The following COL22A1 variants were observed in gnomAD, a reference collection of about 807,000 sequenced individuals.
COL22A1 encodes the protein collagen type XXII alpha 1 chain.
Under a neutral mutation model 248.9 loss-of-function variants are expected in COL22A1, and 221 were observed. The observed-to-expected ratio is 0.89, with a 90% confidence interval of 0.80 to 0.99. COL22A1 has a LOEUF of 0.99. COL22A1 is among the 50% of genes least tolerant of loss of function. The probability of loss-of-function intolerance (pLI) is 0.00; values close to 1 mark genes in which losing one functional copy is unlikely to be tolerated. For synonymous variants in COL22A1, 891 were observed against 793.4 expected (o/e 1.12, Z -2.07); for missense variants, 2,240 against 2,179.0 (o/e 1.03, Z -0.56).
intron 16 of COL22A1, among the ~76,000 whole-genome samples, chr8:138,773,532 T>C (rs906729657): frequency 2.6e-5 from 4 of 152,250 alleles, no homozygotes; most frequent in Admixed American, 2.0e-4. Flanking sequence ...CTCTTATTCA[T>C]TTATTGATTT....
At chr8:138,767,947 A>G (rs1163447109) in intron 16 of COL22A1, among the ~76,000 whole-genome samples, 1 of 152,158 alleles carries the variant, frequency 6.6e-6, no homozygotes, top group East Asian at 1.9e-4. Flanking sequence ...TTCATATAAC[A>G]TGGGTGCTAG....
rs762566329 is a variant in COL22A1, at chr8:138,877,837, C to G, written c.571G>C (p.Glu191Gln). ...LKEELEEIASEPKSAHVFHVS... is the reference protein window; with the variant it reads ...LKEELEEIASQPKSAHVFHVS... ...TGGAAGACGTGGGCGGACTTGGGCT[C>G]TGAGGCGATCTCCTCCAGCTCCTCC... The change falls in exon 3 of 65, where the codon GAG (glutamate) becomes CAG (glutamine). Residue 191 changes from glutamate (E) to glutamine (Q), a missense_variant. Physicochemically the swap from Glu to Gln is conservative, Grantham distance 29. Transcript: ENST00000303045. 4 of 1,613,332 alleles carry G rather than the reference C, an allele frequency of 2.5e-6. No individual in the cohort carries two copies. The highest frequency in any genetic ancestry group is 8.5e-7 in the Non-Finnish European group (1 of 1,179,814).
chr8:138,688,393 C>T (rs1261358300), intron 37 of COL22A1, among the ~76,000 whole-genome samples: 2 of 151,946 alleles, frequency 1.3e-5, no homozygotes, highest in African/African-American at 4.8e-5. Flanking sequence ...TGGTGGCGCA[C>T]ACCTGTAATC....
intron 7 of COL22A1, among the ~76,000 whole-genome samples, chr8:138,813,627 C>T (rs576468715): frequency 1.5e-5 from 1 of 65,300 alleles, no homozygotes; most frequent in African/African-American, 5.1e-5. Context: ...CTTCAGGACA[C>T]GTTAAAGTCC....
intron 30 of COL22A1, 93 bp downstream of exon 30, chr8:138,715,589 A>AT: frequency 1.3e-6 from 1 of 789,382 alleles, no homozygotes. Flanking sequence ...AAAAAAAAAA[A>AT]AAAGATAGAG....
chr8:138,613,188 C>T (rs1464186164), intron 56 of COL22A1, among the ~76,000 whole-genome samples: 1 of 149,746 alleles, frequency 6.7e-6, no homozygotes, highest in East Asian at 2.0e-4. Flanking sequence ...GTGGAGCTTG[C>T]AGTGAGCGGA....
chr8:138,744,994 C>G (rs1831989932), intron 22 of COL22A1, among the ~76,000 whole-genome samples: 1 of 152,206 alleles, frequency 6.6e-6, no homozygotes, highest in African/African-American at 2.4e-5. Context: ...TCAGATGAAC[C>G]AAAGAGGTTG....
intron 54 of COL22A1, among the ~76,000 whole-genome samples, chr8:138,616,548 A>G (rs981254974): frequency 6.6e-6 from 1 of 152,206 alleles, no homozygotes; most frequent in Non-Finnish European, 1.5e-5. Flanking sequence ...TATAAGCTCT[A>G]GGACCTTGGG....
rs76487130 is a variant in COL22A1 at position 138,658,824 on chromosome 8, C to T, written c.3285+1612G>A. Among the ~76,000 whole-genome samples, 17 of 151,948 alleles carry T rather than the reference C, an allele frequency of 1.1e-4. No individual in the cohort carries two copies. The East Asian group carries it at 3.1e-3, about 28-fold the overall frequency. ...GATACCTGAGAGCCAATGGGCCATA[C>T]TTGGGACCATTCGGGAGGAGTATGT... On this transcript the variant is annotated intron_variant, in intron 44 of 64. Coordinates refer to ENST00000303045, the MANE Select transcript of COL22A1 (RefSeq NM_152888.3).
rs1370366160 is a variant in COL22A1 at position 138,596,977 on chromosome 8, G to C, written c.4366-7C>G. On this transcript the variant is annotated splice_polypyrimidine_tract_variant and splice_region_variant and intron_variant, in intron 61 of 64. Transcript: ENST00000303045. ...CCATGGATGGAGACTCCCCCTAGGA[G>C]GGAGGGAAGGTGGAGTCATTCATCT... is the stretch of plus-strand genomic sequence containing the variant. The C allele has an allele frequency of 6.2e-7, 1 of 1,612,860 alleles. No individual in the cohort carries two copies. Among genetic ancestry groups the C allele is most frequent in the Admixed American group, 1.7e-5 (1 of 59,996 alleles).
chr8:138,807,496 G>A (rs184079587), intron 10 of COL22A1, among the ~76,000 whole-genome samples: 3 of 152,208 alleles, frequency 2.0e-5, no homozygotes, highest in East Asian at 1.9e-4. Flanking sequence ...AGAGTTGAGC[G>A]TGTTGGAGCA....
chr8:138,615,910 C>T lies in COL22A1; in HGVS notation c.3924+91G>A, dbSNP rs928671583. 44 of 922,364 alleles carry T rather than the reference C, an allele frequency of 4.8e-5. 1 individual carries two copies. Among genetic ancestry groups the T allele is most frequent in the South Asian group, 4.0e-4 (28 of 69,852 alleles). The allele number at this position is 922,364 out of a possible 1,614,324, so 57.1% of individuals were successfully genotyped here. Reference sequence around the variant, plus strand: ...TGTGTGCCTCTTGGCAGTGCTGCCACCAGCCATTGTGGGGCAGTTTCTGGG... The same window carrying T: ...TGTGTGCCTCTTGGCAGTGCTGCCATCAGCCATTGTGGGGCAGTTTCTGGG... On this transcript the variant is annotated intron_variant, in intron 55 of 64. Transcript: ENST00000303045.
intron 47 of COL22A1, among the ~76,000 whole-genome samples, chr8:138,638,721 T>C (rs921585218): frequency 2.6e-5 from 4 of 152,228 alleles, no homozygotes; most frequent in Admixed American, 6.5e-5. Flanking sequence ...AATAAAGGCA[T>C]CACACCCTCT....
At chr8:138,602,249 T>C in intron 59 of COL22A1, 90 bp from the exon 60 acceptor site, 1 of 1,448,384 alleles carries the variant, frequency 6.9e-7, no homozygotes, top group Non-Finnish European at 9.7e-7. Flanking sequence ...TCCTGCATGC[T>C]GAGGACAAGG....
At chr8:138,885,968 G>T (rs77396153) in intron 1 of COL22A1, among the ~76,000 whole-genome samples, 2,389 of 152,170 alleles carry the variant, frequency 0.016, 72 homozygotes, top group African/African-American at 0.054. Flanking sequence ...ATGGAACCTT[G>T]GTTTTCCAAC....
chr8:138,849,576 G>A (rs961448497), intron 3 of COL22A1, among the ~76,000 whole-genome samples: 1 of 152,236 alleles, frequency 6.6e-6, no homozygotes, highest in African/African-American at 2.4e-5. Context: ...CAGGTCAACT[G>A]CCTCAGGTCA....
rs1458452644 is a variant in COL22A1, at chr8:138,690,850, G to C, written c.2779C>G (p.Pro927Ala). 3 of 1,610,524 alleles carry C rather than the reference G, an allele frequency of 1.9e-6. No individual in the cohort carries two copies. Among genetic ancestry groups the C allele is most frequent in the Admixed American group, 1.7e-5 (1 of 59,678 alleles). ...NPGAPGHVGA[P>A]GPSGPPGSVG... The stretch of plus-strand genomic sequence containing the variant: ...CTTCCTGGAGGGCCACTGGGACCGG[G>C]GGCACCGACATGTCCGGGAGCACCC... Residue 927 changes from proline (P) to alanine (A), a missense_variant, in exon 36 of 65, where the codon CCC becomes GCC. By Grantham distance (27) the Pro-to-Ala change is conservative (BLOSUM62 -1). Transcript: ENST00000303045.
At chr8:138,778,278 G>A (rs776481088) in intron 15 of COL22A1, 75 bp downstream of exon 15, 7 of 1,538,318 alleles carry the variant, frequency 4.6e-6, no homozygotes, top group Admixed American at 1.7e-5. Context: ...TGCAGGTGGA[G>A]GAACTTGCTA....
chr8:138,739,079 C>G (rs1164658281), intron 22 of COL22A1, among the ~76,000 whole-genome samples: 1 of 152,184 alleles, frequency 6.6e-6, no homozygotes, highest in Non-Finnish European at 1.5e-5. Flanking sequence ...TGCACTTTTC[C>G]CCTCAAAGCA....
Sources: gnomAD v4.1 joint callset for allele counts (sites outside exome capture counted in the v4.1 genomes callset) on GRCh38, gnomAD v4.1.1 for gene constraint, MANE v1.5 for transcripts, NCBI Gene and HGNC (gene_info 2026-07-23, HGNC 2026-07-21) for gene names.